The following POLD3 variants were observed in gnomAD, a reference collection of about 807,000 sequenced individuals.
POLD3 encodes the protein DNA polymerase delta 3, accessory subunit.
Under a neutral mutation model 58.2 loss-of-function variants are expected in POLD3, and 19 were observed. The ratio of observed to expected loss-of-function variants is 0.33; its 90% CI spans 0.23 to 0.48. The LOEUF (loss-of-function observed/expected upper bound fraction) is 0.48, where lower values mean the gene tolerates loss of function less well. Among genes scored for constraint, POLD3 ranks in the 20% least tolerant of loss-of-function variants. The pLI is 0.99. For missense variants in POLD3, 504 were observed against 545.5 expected (o/e 0.92, Z 0.76); for synonymous variants, 172 against 193.5 (o/e 0.89, Z 0.92).
At chr11:74,668,119 A>G (rs2033294812) in intron 4 of POLD3, among the ~76,000 whole-genome samples, 1 of 152,230 alleles carries the variant, frequency 6.6e-6, no homozygotes, top group Non-Finnish European at 1.5e-5. Context: ...ACCTTCATCC[A>G]CAGCTGGTGG....
chr11:74,605,618 A>G (rs943711944), intron 3 of POLD3, among the ~76,000 whole-genome samples: 2 of 152,174 alleles, frequency 1.3e-5, no homozygotes, highest in African/African-American at 4.8e-5. Flanking sequence ...TTTCGGGCAT[A>G]AAAAGCCCCA....
At chr11:74,629,109 C>G (rs2032511857) in intron 8 of POLD3, 108 bp from the exon 9 acceptor site, 2 of 656,968 alleles carry the variant, frequency 3.0e-6, no homozygotes, top group South Asian at 3.9e-5. Flanking sequence ...TCCTTTTCTA[C>G]CCTCTGGAAT....
rs1288254510 is a variant in POLD3 at position 74,604,766 on chromosome 11, C to G, written c.191C>G (p.Ser64Cys). 1 of 1,605,150 alleles carries G rather than the reference C, an allele frequency of 6.2e-7. No homozygotes were observed. Among genetic ancestry groups the G allele is most frequent in the Non-Finnish European group, 8.5e-7 (1 of 1,171,960 alleles). Residue 64 changes from serine (S) to cysteine (C), a missense_variant, in exon 3 of 12, where the codon TCT becomes TGT. By Grantham distance (112) the Ser-to-Cys change is moderately radical. Coordinates refer to ENST00000263681, the MANE Select transcript of POLD3 (RefSeq NM_006591.3). Reference protein sequence around the residue: ...GAQLHVTYLVSGSLIQNGHSC... With the variant: ...GAQLHVTYLVCGSLIQNGHSC... ...CAACTGCATGTTACCTACTTGGTGT[C>G]TGGCAGTCTCATTCAGAATGGACAT...
In POLD3 at chr11:74,619,654, T is replaced by G. The variant is rs117821581; in HGVS notation, c.661-363T>G. Among the ~76,000 whole-genome samples the G allele has an allele frequency of 2.8e-3, 423 of 152,350 alleles. 1 individual carries two copies. Among genetic ancestry groups the G allele is most frequent in the South Asian group, 8.3e-3 (40 of 4,824 alleles). On this transcript the variant is annotated intron_variant, in intron 6 of 11. Transcript: ENST00000263681. ...GGAACCAGGAATTCAGATCTACTTC[T>G]GATGATTAAAAATGTAATGTTTTAG...
rs2135184476 is a variant in POLD3 at position 74,640,683 on chromosome 11, C to T, written c.1318C>T (p.Arg440Ter). 6.2e-7 allele frequency: 1 copy of T among 1,612,834 alleles called. No individual in the cohort carries two copies. The highest frequency in any genetic ancestry group is 8.5e-7 in the Non-Finnish European group (1 of 1,179,490). Residue 440 changes from arginine (R) to a stop codon, truncating the protein, a stop_gained, in exon 12 of 12, where the codon CGA becomes TGA. Coordinates refer to ENST00000263681, the MANE Select transcript of POLD3 (RefSeq NM_006591.3). LOFTEE classifies it high-confidence loss of function. ...TGTGAAAAAAGAACCCAGAGAGGAA[C>T]GAAAGGGCCCCAAGAAAGGGACTGC... The part of the protein sequence containing the change: ...MTVKKEPREE[R>*]KGPKKGTAAL...
intron 5 of POLD3, among the ~76,000 whole-genome samples, chr11:74,615,466 A>G (rs1050081768): frequency 6.6e-6 from 1 of 152,232 alleles, no homozygotes; most frequent in African/African-American, 2.4e-5. Flanking sequence ...ATTTAGTGAT[A>G]GCCTTGGTAA....
chr11:74,642,239 C>G lies in POLD3; in HGVS notation c.*1473C>G. 1 of 985,344 alleles carries G rather than the reference C, an allele frequency of 1.0e-6. No homozygotes were observed. The highest frequency in any genetic ancestry group is 1.2e-6 in the Non-Finnish European group (1 of 829,874). The allele number at this position is 985,344 out of a possible 1,614,324, so 61.0% of individuals were successfully genotyped here. ...AAGACCAGAAGTTTGGGAGATGAGT[C>G]CTGGCATTATGTCTAGGACTAAAGC... On this transcript the variant is annotated 3_prime_UTR_variant, in exon 12 of 12. Coordinates refer to ENST00000263681, the MANE Select transcript of POLD3 (RefSeq NM_006591.3).
intron 3 of POLD3, among the ~76,000 whole-genome samples, chr11:74,610,176 T>C (rs1004302228): frequency 6.6e-6 from 1 of 152,174 alleles, no homozygotes; most frequent in African/African-American, 2.4e-5. Context: ...ATATTTCTTT[T>C]TCTGTGAACT....
At chr11:74,635,874 A>G (rs2032733843) in intron 10 of POLD3, among the ~76,000 whole-genome samples, 1 of 152,094 alleles carries the variant, frequency 6.6e-6, no homozygotes, top group African/African-American at 2.4e-5. Flanking sequence ...CTCCTCCACT[A>G]AGGTCCTTAT....
rs960044192 is a variant in POLD3, at chr11:74,641,202, C to T, written c.*436C>T. On this transcript the variant is annotated 3_prime_UTR_variant, in exon 12 of 12. Coordinates refer to ENST00000263681, the MANE Select transcript of POLD3 (RefSeq NM_006591.3). ...TCTTATCCTTACATTCTGCTGGATA[C>T]GTTTACCCCTCTTGTCTTCCTGCAG... The T allele has an allele frequency of 1.1e-5, 11 of 985,216 alleles. No individual in the cohort carries two copies. Among genetic ancestry groups the T allele is most frequent in the Non-Finnish European group, 1.2e-5 (10 of 829,766 alleles). The allele number at this position is 985,216 out of a possible 1,614,324, so 61.0% of individuals were successfully genotyped here. A position where few individuals can be genotyped will look rare whatever the true frequency, so the allele number is the denominator to read the frequency against.
chr11:74,628,828 G>T (rs1020741190), intron 8 of POLD3: 1 of 155,076 alleles, frequency 6.4e-6, no homozygotes, highest in African/African-American at 2.4e-5. Context: ...CTTGAAAACA[G>T]TATTTTCTTC....
chr11:74,662,509 C>T (rs2033217764), intron 4 of POLD3, among the ~76,000 whole-genome samples: 1 of 152,054 alleles, frequency 6.6e-6, no homozygotes. Flanking sequence ...GGCCTCAAAA[C>T]TCTTCCCACT....
intron 8 of POLD3, among the ~76,000 whole-genome samples, chr11:74,626,418 G>C (rs1021157621): frequency 4.6e-5 from 7 of 152,056 alleles, no homozygotes; most frequent in African/African-American, 1.7e-4. Flanking sequence ...GTTGTTTTTT[G>C]TTCCAAGTCT....
At chr11:74,654,000 G>C (rs55719957) in intron 4 of POLD3, among the ~76,000 whole-genome samples, 28,369 of 152,044 alleles carry the variant, frequency 0.19, 2,863 homozygotes, top group Admixed American at 0.28. Context: ...GCAAGAGAAA[G>C]AAGGGGAGGG....
intron 1 of POLD3, chr11:74,593,071 G>C (rs991640504): frequency 1.1e-5 from 12 of 1,080,494 alleles, no homozygotes; most frequent in Non-Finnish European, 1.4e-5. Context: ...GTTTACAGTT[G>C]AGGAAATCGT....
chr11:74,651,001 C>T (rs770124457), intron 4 of POLD3, among the ~76,000 whole-genome samples: 21 of 152,250 alleles, frequency 1.4e-4, no homozygotes, highest in Admixed American at 4.6e-4. Flanking sequence ...TGCACTTGGA[C>T]GCAGAAAGCA....
At chr11:74,654,956 C>G (rs2033114744) in intron 4 of POLD3, among the ~76,000 whole-genome samples, 1 of 152,202 alleles carries the variant, frequency 6.6e-6, no homozygotes, top group Non-Finnish European at 1.5e-5. Context: ...TGCCACATAT[C>G]CCTAGCAAAG....
At chr11:74,608,497 A>G (rs569332047) in intron 3 of POLD3, among the ~76,000 whole-genome samples, 2 of 152,132 alleles carry the variant, frequency 1.3e-5, no homozygotes, top group Admixed American at 6.6e-5. Context: ...TGTTATGCTA[A>G]GAACAGAGGG....
chr11:74,596,940 A>G (rs2031282024), intron 2 of POLD3, among the ~76,000 whole-genome samples: 2 of 152,174 alleles, frequency 1.3e-5, no homozygotes, highest in South Asian at 4.1e-4. Flanking sequence ...ATAGGATTTT[A>G]TTCATTTTTA....
Sources: gnomAD v4.1 joint callset for allele counts (sites outside exome capture counted in the v4.1 genomes callset) on GRCh38, gnomAD v4.1.1 for gene constraint, MANE v1.5 for transcripts, NCBI Gene and HGNC (gene_info 2026-07-23, HGNC 2026-07-21) for gene names.